Variants in NBAS observed in about 807,000 individuals in gnomAD.
NBAS encodes NBAS subunit of NRZ tethering complex.
NBAS carries 219 observed loss-of-function variants against 302.5 expected under a neutral mutation model. That is an observed-to-expected ratio of 0.72 (90% CI 0.65 to 0.81). The LOEUF (loss-of-function observed/expected upper bound fraction) is 0.81. Among genes scored for constraint, NBAS ranks in the 30% least tolerant of loss-of-function variants. The pLI is 0.00. For synonymous variants in NBAS, 1,118 were observed against 1,021.6 expected, an observed-to-expected ratio of 1.09 and a Z score of -1.80; for missense variants, 2,932 against 2,841.6, an observed-to-expected ratio of 1.03 and a Z score of -0.72.
chr2:14,836,194 G>A, the NBAS span, among the ~76,000 whole-genome samples: 6 of 151,808 alleles, frequency 4.0e-5, no homozygotes, highest in African/African-American at 1.5e-4. Flanking sequence ...TCTGTAAGAG[G>A]TTTTTGTTAT....
At chr2:15,558,723 T>G (rs947938634) in intron 1 of NBAS, 89 bp from the exon 2 acceptor site, 6 of 1,010,638 alleles carry the variant, frequency 5.9e-6, no homozygotes, top group Non-Finnish European at 9.1e-6. Flanking sequence ...CTTATTTTTA[T>G]TTACTAATAC....
chr2:14,903,302 T>C, the NBAS span, among the ~76,000 whole-genome samples: 1 of 151,128 alleles, frequency 6.6e-6, no homozygotes, highest in African/African-American at 2.4e-5. Flanking sequence ...ATCCAGACTT[T>C]TTTAAATTTG....
the NBAS span, among the ~76,000 whole-genome samples, chr2:15,052,858 G>A: frequency 6.6e-6 from 1 of 152,168 alleles, no homozygotes; most frequent in African/African-American, 2.4e-5. Context: ...TTTGATGCAG[G>A]AATCCTCAAA....
chr2:15,085,809 G>A, the NBAS span, among the ~76,000 whole-genome samples: 1 of 152,210 alleles, frequency 6.6e-6, no homozygotes, highest in Non-Finnish European at 1.5e-5. Context: ...TGCACACGCT[G>A]GGGGCAGTGC....
intron 48 of NBAS, among the ~76,000 whole-genome samples, chr2:15,212,835 C>T (rs1451228459): frequency 6.7e-6 from 1 of 150,282 alleles, no homozygotes; most frequent in African/African-American, 2.5e-5. Flanking sequence ...TATAAGTTTC[C>T]TGAGGCCTCC....
the NBAS span, among the ~76,000 whole-genome samples, chr2:14,863,556 A>G: frequency 6.6e-6 from 1 of 152,206 alleles, no homozygotes; most frequent in Non-Finnish European, 1.5e-5. Flanking sequence ...ATCAGTTAAG[A>G]CAGAAACTGA....
chr2:14,822,692 G>C, the NBAS span, among the ~76,000 whole-genome samples: 1 of 152,152 alleles, frequency 6.6e-6, no homozygotes, highest in Non-Finnish European at 1.5e-5. Context: ...TAACCTCCCA[G>C]TGAAAACTCC....
chr2:14,789,132 G>A, the NBAS span, among the ~76,000 whole-genome samples: 1 of 152,222 alleles, frequency 6.6e-6, no homozygotes, highest in Non-Finnish European at 1.5e-5. Flanking sequence ...AGGACCCTCT[G>A]AGCCATGTGC....
the NBAS span, among the ~76,000 whole-genome samples, chr2:14,829,783 C>T: frequency 5.9e-5 from 9 of 152,204 alleles, no homozygotes; most frequent in Non-Finnish European, 1.3e-4. Context: ...ACACAAAAAC[C>T]GAGTGAGTAA....
intron 6 of NBAS, among the ~76,000 whole-genome samples, chr2:15,550,591 CTT>C (rs34088172): frequency 6.9e-6 from 1 of 144,216 alleles, no homozygotes. Context: ...TCTGTCTTTT[CTT>C]TTTTTTTTTT....
the NBAS span, among the ~76,000 whole-genome samples, chr2:14,778,977 C>T: frequency 1.3e-5 from 2 of 152,144 alleles, no homozygotes; most frequent in African/African-American, 4.8e-5. Flanking sequence ...GAAAGATTAG[C>T]AAGTTAGATA....
At chr2:15,139,038 A>G in the NBAS span, among the ~76,000 whole-genome samples, 2 of 152,200 alleles carry the variant, frequency 1.3e-5, no homozygotes, top group African/African-American at 4.8e-5. Context: ...GGCAGGAGGT[A>G]GGAAGGGTTC....
chr2:14,847,031 G>C, the NBAS span, among the ~76,000 whole-genome samples: 1 of 152,112 alleles, frequency 6.6e-6, no homozygotes, highest in Non-Finnish European at 1.5e-5. Flanking sequence ...TGGCTGATTT[G>C]ATGAAAATGC....
the NBAS span, among the ~76,000 whole-genome samples, chr2:15,157,046 CT>C: frequency 1.3e-5 from 2 of 152,168 alleles, no homozygotes; most frequent in African/African-American, 4.8e-5. Context: ...ATTTCTTGGA[CT>C]ACCTGAAACC....
intron 48 of NBAS, among the ~76,000 whole-genome samples, chr2:15,190,750 A>AT (rs1665313720): frequency 6.6e-6 from 1 of 152,186 alleles, no homozygotes; most frequent in African/African-American, 2.4e-5. Flanking sequence ...CATTAGGTGA[A>AT]TTTTTTAAAG....
the NBAS span, among the ~76,000 whole-genome samples, chr2:15,026,720 A>C: frequency 1.3e-5 from 2 of 152,116 alleles, no homozygotes; most frequent in Non-Finnish European, 2.9e-5. Flanking sequence ...GTTTTAGTTA[A>C]GAAGATATTC....
chr2:15,180,242 C>T (rs1259186081), intron 50 of NBAS: 1 of 152,202 alleles, frequency 6.6e-6, no homozygotes, highest in Non-Finnish European at 1.5e-5. Flanking sequence ...ATAGTTTTAG[C>T]TTTCACCCAG....
At chr2:15,025,101 G>T in the NBAS span, among the ~76,000 whole-genome samples, 1 of 152,096 alleles carries the variant, frequency 6.6e-6, no homozygotes, top group South Asian at 2.1e-4. Context: ...TTTAGATTTT[G>T]CATTTAGGTA....
At chr2:15,319,751 TTAAC>T (rs1194081230) in intron 38 of NBAS, among the ~76,000 whole-genome samples, 3 of 152,142 alleles carry the variant, frequency 2.0e-5, no homozygotes, top group African/African-American at 7.2e-5. Flanking sequence ...GAGGCAATAA[TTAAC>T]AGCCTACCAA....
Sources: allele counts gnomAD v4.1 joint callset (sites outside exome capture counted in the v4.1 genomes callset), GRCh38; gene constraint gnomAD v4.1.1; transcripts MANE v1.5; gene names NCBI Gene and HGNC (gene_info 2026-07-23, HGNC 2026-07-21).